Variants in NIBAN1 observed in about 807,000 individuals in gnomAD.
NIBAN1 encodes protein Niban 1.
NIBAN1 carries 81 observed loss-of-function variants against 75.1 expected under a neutral mutation model. The observed-to-expected ratio is 1.08, with a 90% CI of 0.90 to 1.30. NIBAN1 has a LOEUF of 1.30. NIBAN1 is among the 50% of genes most tolerant of loss of function. NIBAN1 has a pLI of 0.00. For synonymous variants in NIBAN1, 436 were observed against 424.8 expected (o/e 1.03, Z -0.32); for missense variants, 1,133 against 1,128.1 (o/e 1.00, Z -0.06).
In NIBAN1 at chr1:184,809,148, ATCTAGATT is replaced by A. The variant is rs533420980; in HGVS notation, c.1174-921_1174-914del. Reference sequence around the variant, plus strand: ...ACTTTCAGCTCACGCAGAAGAGATAATCTAGATTTCTAGATTTCTCTAAACAGGAATTT... The same window carrying A: ...ACTTTCAGCTCACGCAGAAGAGATAATCTAGATTTCTCTAAACAGGAATTT... On this transcript the variant is annotated intron_variant, in intron 9 of 13. Coordinates refer to ENST00000367511, the MANE Select transcript of NIBAN1 (RefSeq NM_052966.4). Among the ~76,000 whole-genome samples, 16 of 152,272 alleles carry A rather than the reference ATCTAGATT, an allele frequency of 1.1e-4. No homozygotes were observed. In the East Asian group the frequency reaches 2.9e-3, roughly 28 times the overall value.
intron 9 of NIBAN1, among the ~76,000 whole-genome samples, chr1:184,814,412 G>T (rs1654469945): frequency 6.6e-6 from 1 of 151,986 alleles, no homozygotes; most frequent in African/African-American, 2.4e-5. Flanking sequence ...ATAAAATTTG[G>T]TTTTCTCTTT....
intron 12 of NIBAN1, among the ~76,000 whole-genome samples, chr1:184,801,022 A>G (rs1225404634): frequency 6.6e-6 from 1 of 152,158 alleles, no homozygotes; most frequent in East Asian, 1.9e-4. Context: ...TATCGGCATG[A>G]GGACAGGGCA....
At chr1:184,948,310 C>T (rs1658279471) in intron 1 of NIBAN1, among the ~76,000 whole-genome samples, 1 of 152,076 alleles carries the variant, frequency 6.6e-6, no homozygotes, top group African/African-American at 2.4e-5. Context: ...ATTCATGCCA[C>T]AAGCAAGTTG....
chr1:184,953,920 C>G (rs895626611), intron 1 of NIBAN1, among the ~76,000 whole-genome samples: 4 of 152,144 alleles, frequency 2.6e-5, no homozygotes, highest in Non-Finnish European at 4.4e-5. Flanking sequence ...AGTCTAGTGA[C>G]GGTGTTTTCC....
chr1:184,898,387 G>C (rs1053113278), intron 2 of NIBAN1, among the ~76,000 whole-genome samples: 2 of 152,152 alleles, frequency 1.3e-5, no homozygotes, highest in Non-Finnish European at 2.9e-5. Flanking sequence ...GGCCGAGGCA[G>C]GTGGATCACT....
In NIBAN1 at chr1:184,813,547, G is replaced by T. The variant is rs183367618; in HGVS notation, c.1173+5091C>A. On this transcript the variant is annotated intron_variant, in intron 9 of 13. Transcript: ENST00000367511. ...CATGCCCCCTAGCTATATAAAGAAG[G>T]TTATAAAGAAAAGAGATTTTATATA... Among the ~76,000 whole-genome samples, 301 of 152,254 alleles carry T rather than the reference G, an allele frequency of 2.0e-3. 3 individuals carry two copies. Among genetic ancestry groups the T allele is most frequent in the African/African-American group, 7.1e-3 (293 of 41,530 alleles).
intron 8 of NIBAN1, among the ~76,000 whole-genome samples, chr1:184,820,700 A>T (rs1654673126): frequency 6.6e-6 from 1 of 152,266 alleles, no homozygotes; most frequent in Non-Finnish European, 1.5e-5. Context: ...CAGAGCGATG[A>T]TGCCTGAAAG....
At chr1:184,824,755 TA>T (rs1164152121) in intron 6 of NIBAN1, among the ~76,000 whole-genome samples, 5 of 152,184 alleles carry the variant, frequency 3.3e-5, no homozygotes, top group Admixed American at 2.0e-4. Flanking sequence ...AAAGCTATGT[TA>T]TTATTACACA....
At chr1:184,884,905 G>A in intron 4 of NIBAN1, 105 bp from the exon 5 acceptor site, 1 of 1,357,368 alleles carries the variant, frequency 7.4e-7, no homozygotes, top group African/African-American at 1.4e-5. Context: ...GCCATGGGAT[G>A]GAAAGTTGGT....
chr1:184,914,005 A>T (rs1657317248), intron 1 of NIBAN1, among the ~76,000 whole-genome samples: 1 of 152,180 alleles, frequency 6.6e-6, no homozygotes, highest in African/African-American at 2.4e-5. Context: ...TTTCAGTCCT[A>T]CTACCCAAAA....
intron 11 of NIBAN1, among the ~76,000 whole-genome samples, chr1:184,804,230 T>C (rs989713284): frequency 1.3e-5 from 2 of 152,372 alleles, no homozygotes; most frequent in East Asian, 1.9e-4. Context: ...GATTTAATTG[T>C]GGATCTCACT....
At chr1:184,965,535 G>T (rs1258840293) in intron 1 of NIBAN1, among the ~76,000 whole-genome samples, 1 of 152,002 alleles carries the variant, frequency 6.6e-6, no homozygotes, top group Admixed American at 6.6e-5. Flanking sequence ...GCAAACTAAC[G>T]CAGGAACAGA....
chr1:184,793,364 T>C lies in NIBAN1; in HGVS notation c.*1613A>G, dbSNP rs1653747043. 6.6e-6 allele frequency: 1 copy of C among 152,110 alleles called. No individual in the cohort carries two copies. The highest frequency in any genetic ancestry group is 1.5e-5 in the Non-Finnish European group (1 of 68,028). The allele number at this position is 152,110 out of a possible 1,614,324, so 9.4% of individuals were successfully genotyped here. A position where few individuals can be genotyped will look rare whatever the true frequency, so the allele number is the denominator to read the frequency against. ...TGAAATCAGGAGTTTGAGACCAGCC[T>C]GGCCAACATGGTGAAAACCCATCTC... On this transcript the variant is annotated 3_prime_UTR_variant, in exon 14 of 14. Coordinates refer to ENST00000367511, the MANE Select transcript of NIBAN1 (RefSeq NM_052966.4).
At chr1:184,834,201 T>A (rs1026882298) in intron 5 of NIBAN1, among the ~76,000 whole-genome samples, 3 of 152,236 alleles carry the variant, frequency 2.0e-5, no homozygotes, top group Admixed American at 6.5e-5. Context: ...TCCTTTTTTA[T>A]GGCTGCATAG....
At chr1:184,851,452 G>C (rs1444427284) in intron 5 of NIBAN1, among the ~76,000 whole-genome samples, 1 of 48,882 alleles carries the variant, frequency 2.0e-5, no homozygotes, top group East Asian at 4.2e-4. Context: ...GACACAGGAA[G>C]GGGAATATCA....
At chr1:184,910,626 G>T (rs1239001751) in intron 1 of NIBAN1, among the ~76,000 whole-genome samples, 1 of 152,154 alleles carries the variant, frequency 6.6e-6, no homozygotes, top group East Asian at 1.9e-4. Flanking sequence ...CAGAAGCCTT[G>T]TGAAATGATC....
intron 2 of NIBAN1, among the ~76,000 whole-genome samples, chr1:184,896,369 T>C (rs1571555250): frequency 6.6e-6 from 1 of 152,338 alleles, no homozygotes; most frequent in East Asian, 1.9e-4. Flanking sequence ...TTGAGAAATG[T>C]CTGTTCATGT....
intron 10 of NIBAN1, among the ~76,000 whole-genome samples, chr1:184,806,586 C>G (rs1018395010): frequency 2.0e-5 from 3 of 152,044 alleles, no homozygotes; most frequent in Admixed American, 6.6e-5. Flanking sequence ...TCCAGTATTA[C>G]GAAAGAGACT....
At chr1:184,878,594 G>A (rs1232669296) in intron 5 of NIBAN1, among the ~76,000 whole-genome samples, 2 of 152,172 alleles carry the variant, frequency 1.3e-5, no homozygotes, top group East Asian at 1.9e-4. Context: ...TTATCGAGAA[G>A]CCAGATATAC....
Sources: gnomAD v4.1 joint callset for allele counts (sites outside exome capture counted in the v4.1 genomes callset) on GRCh38, gnomAD v4.1.1 for gene constraint, MANE v1.5 for transcripts, NCBI Gene and HGNC (gene_info 2026-07-23, HGNC 2026-07-21) for gene names.